FAAH2: variants seen among roughly 807,000 people sequenced by gnomAD.
FAAH2 encodes the protein fatty-acid amide hydrolase 2.
A neutral mutation model predicts 36.9 loss-of-function variants in FAAH2; 60 were observed. The observed-to-expected ratio is 1.63, with a 90% CI of 1.32 to 2.02. FAAH2 has a LOEUF of 2.02. FAAH2 is among the 30% of genes most tolerant of loss of function. The pLI, the probability that FAAH2 is intolerant of heterozygous loss-of-function variation, is 0.00. For missense variants in FAAH2, 689 were observed against 397.5 expected, an observed-to-expected ratio of 1.73 and a Z score of -6.23; for synonymous variants, 214 against 143.8, an observed-to-expected ratio of 1.49 and a Z score of -3.49.
the FAAH2 span, among the ~76,000 whole-genome samples, chrX:57,264,119 G>GA: frequency 9.0e-6 from 1 of 111,344 alleles, no homozygotes; most frequent in South Asian, 3.7e-4. Context: ...TAATATTTCA[G>GA]AAAAAAATAG....
chrX:57,457,839 G>C (rs1174394391), intron 10 of FAAH2, among the ~76,000 whole-genome samples: 1 of 111,126 alleles, frequency 9.0e-6, no homozygotes, highest in Admixed American at 9.6e-5. Context: ...TCATATATTG[G>C]AAGAATCCAC....
the FAAH2 span, among the ~76,000 whole-genome samples, chrX:57,189,389 C>T: frequency 4.3e-4 from 47 of 110,361 alleles, no homozygotes; most frequent in South Asian, 5.5e-3. Context: ...CTACTTCTTT[C>T]AATTCATCAA....
chrX:57,212,170 G>A, the FAAH2 span, among the ~76,000 whole-genome samples: 1 of 111,529 alleles, frequency 9.0e-6, no homozygotes, highest in Non-Finnish European at 1.9e-5. Context: ...GGAGTTTAAG[G>A]CTGCTGTAAG....
the FAAH2 span, among the ~76,000 whole-genome samples, chrX:57,231,224 T>C: frequency 1.8e-5 from 2 of 111,064 alleles, no homozygotes; most frequent in African/African-American, 6.5e-5. Flanking sequence ...CTTTTATTCA[T>C]GATTTTCTGG....
rs1349958158 is a variant in FAAH2, at chrX:57,440,585, T to C, written c.1117-6343T>C. 3.6e-5 allele frequency among the ~76,000 whole-genome samples: 4 copies of C among 111,300 alleles called. No individual in the cohort carries two copies. The South Asian group carries it at 1.1e-3, about 31-fold the overall frequency. On this transcript the variant is annotated intron_variant, in intron 8 of 10. Coordinates refer to ENST00000374900, the MANE Select transcript of FAAH2 (RefSeq NM_174912.4). ...GACTTCCTCTTTTACTAATTGAATA[T>C]TCTTTATTTCTTTCCCTTGTCTGAT...
the FAAH2 span, among the ~76,000 whole-genome samples, chrX:57,258,010 A>G: frequency 8.9e-6 from 1 of 111,909 alleles, no homozygotes; most frequent in Admixed American, 9.5e-5. Context: ...CAAGAATAAC[A>G]TAGCTAGTTG....
the FAAH2 span, among the ~76,000 whole-genome samples, chrX:57,139,602 C>T: frequency 3.6e-5 from 4 of 110,908 alleles, no homozygotes; most frequent in East Asian, 5.6e-4. Context: ...CACAGGTGCC[C>T]GCCACCACAC....
At chrX:57,483,092 A>G (rs898120753) in intron 10 of FAAH2, among the ~76,000 whole-genome samples, 1 of 111,425 alleles carries the variant, frequency 9.0e-6, no homozygotes, top group East Asian at 2.8e-4. Context: ...TTATTTCCTC[A>G]CGTATGTTTT....
the FAAH2 span, among the ~76,000 whole-genome samples, chrX:57,162,837 G>T: frequency 8.9e-6 from 1 of 112,597 alleles, no homozygotes; most frequent in East Asian, 2.8e-4. Context: ...TAATTTGATT[G>T]TCTGAAGCCT....
the FAAH2 span, among the ~76,000 whole-genome samples, chrX:57,243,130 C>T: frequency 8.9e-6 from 1 of 111,815 alleles, no homozygotes; most frequent in Middle Eastern, 4.6e-3. Flanking sequence ...ATAAACAAAG[C>T]TGCCAGGAAG....
At chrX:57,384,297 T>C (rs1385543000) in intron 7 of FAAH2, among the ~76,000 whole-genome samples, 1 of 105,422 alleles carries the variant, frequency 9.5e-6, no homozygotes, top group Non-Finnish European at 2.0e-5. Flanking sequence ...CCAAAAGCAA[T>C]GGCAACAAAA....
intron 7 of FAAH2, among the ~76,000 whole-genome samples, chrX:57,426,445 T>C (rs983153003): frequency 9.0e-6 from 1 of 111,485 alleles, no homozygotes; most frequent in African/African-American, 3.2e-5. Flanking sequence ...TCAACAAATT[T>C]AGAATTCCTC....
chrX:57,473,743 G>A (rs1482776002), intron 10 of FAAH2, among the ~76,000 whole-genome samples: 2 of 111,157 alleles, frequency 1.8e-5, no homozygotes, highest in East Asian at 5.6e-4. Flanking sequence ...TCTTTTATTG[G>A]AGCTTTTCTT....
the FAAH2 span, among the ~76,000 whole-genome samples, chrX:57,237,202 C>T: frequency 3.6e-5 from 4 of 111,062 alleles, no homozygotes; most frequent in Admixed American, 9.6e-5. Flanking sequence ...TCAATTTTGT[C>T]GCATTGATCT....
the FAAH2 span, among the ~76,000 whole-genome samples, chrX:57,159,112 C>G: frequency 3.6e-5 from 4 of 112,153 alleles, no homozygotes; most frequent in Non-Finnish European, 5.6e-5. Flanking sequence ...TTCCCCATTT[C>G]TTGTTTTTGT....
the FAAH2 span, among the ~76,000 whole-genome samples, chrX:57,274,039 G>A: frequency 9.0e-6 from 1 of 110,997 alleles, no homozygotes; most frequent in Admixed American, 9.6e-5. Flanking sequence ...AGAAAAGAGA[G>A]AAGAATCAAG....
chrX:57,381,601 G>T, intron 7 of FAAH2: 9 of 585,337 alleles, frequency 1.5e-5, no homozygotes, highest in Non-Finnish European at 1.9e-5. Context: ...TAATGGTAAA[G>T]GGATCAATTC....
rs376215358 is a variant in FAAH2, at chrX:57,286,951, G to C, written c.126G>C (p.Arg42=). The C allele has an allele frequency of 1.7e-6, 2 of 1,201,022 alleles. No individual in the cohort carries two copies. The highest frequency in any genetic ancestry group is 3.5e-5 in the African/African-American group (2 of 56,490). Residue 42 remains arginine, a synonymous_variant, in exon 1 of 11, where the codon CGG becomes CGC. Transcript: ENST00000374900. ...CAAAGTTTGCCTCAAAGACCCCTCGGCCGGTGACTGAACCATTGCTTCTGC... is the reference window on the plus strand; with the variant it reads ...CAAAGTTTGCCTCAAAGACCCCTCGCCCGGTGACTGAACCATTGCTTCTGC... ...GGPKFASKTP[R]PVTEPLLLLS... is the part of the protein sequence containing the mutation.
At chrX:57,487,254 A>C (rs1340433356) in intron 10 of FAAH2, among the ~76,000 whole-genome samples, 1 of 110,621 alleles carries the variant, frequency 9.0e-6, no homozygotes, top group African/African-American at 3.3e-5. Flanking sequence ...TCAAAAGCCC[A>C]GGCAATAAAA....
Sources: gnomAD v4.1 joint callset for allele counts (sites outside exome capture counted in the v4.1 genomes callset) on GRCh38, gnomAD v4.1.1 for gene constraint, MANE v1.5 for transcripts, NCBI Gene and HGNC (gene_info 2026-07-23, HGNC 2026-07-21) for gene names.